Variants in KLHL6 observed in about 807,000 individuals in gnomAD.
The protein encoded by KLHL6 is kelch like family member 6, also known as kelch-like protein 6.
Under a neutral mutation model 58.6 loss-of-function variants are expected in KLHL6, and 41 were observed. The ratio of observed to expected loss-of-function variants is 0.70; its 90% CI spans 0.55 to 0.91. The LOEUF (loss-of-function observed/expected upper bound fraction) is 0.91. Among genes scored for constraint, KLHL6 ranks in the 40% least tolerant of loss-of-function variants. The pLI is 0.00. For synonymous variants in KLHL6, 338 were observed against 322.7 expected, an observed-to-expected ratio of 1.05 and a Z score of -0.51; for missense variants, 714 against 805.6, an observed-to-expected ratio of 0.89 and a Z score of 1.38.
chr3:183,514,844 T>A (rs575959066), intron 2 of KLHL6, among the ~76,000 whole-genome samples: 1 of 152,120 alleles, frequency 6.6e-6, no homozygotes, highest in East Asian at 1.9e-4. Context: ...AATTTTTTTG[T>A]ATTTTAGTAC....
Position 183,489,106 on chromosome 3 carries a change from A to G in KLHL6, c.*2821T>C, listed in dbSNP as rs955804148. 3 of 152,212 alleles carry G rather than the reference A, an allele frequency of 2.0e-5. No individual in the cohort carries two copies. The highest frequency in any genetic ancestry group is 7.2e-5 in the African/African-American group (3 of 41,446). The allele number at this position is 152,212 out of a possible 1,614,324, so 9.4% of individuals were successfully genotyped here. A position where few individuals can be genotyped will look rare whatever the true frequency, so the allele number is the denominator to read the frequency against. ...TTCCCAGCATAGGGTTGACCTGCTG[A>G]TGGGCTCGAAGTTTGCCTATGGGTC... On this transcript the variant is annotated 3_prime_UTR_variant, in exon 7 of 7. Transcript: ENST00000341319.
In KLHL6 at chr3:183,527,995, G is replaced by A. The variant is rs777217425; in HGVS notation, c.309C>T (p.Asn103=). ...ASNYFRAMFC[N]DLKEKYEKRI... ...TTTTCTCATACTTTTCCTTTAAATCGTTGCAGAACATGGCCCTGGAAGAGA... is the reference window on the plus strand; with the variant it reads ...TTTTCTCATACTTTTCCTTTAAATCATTGCAGAACATGGCCCTGGAAGAGA... Residue 103 remains asparagine (N), a synonymous_variant, in exon 2 of 7, where the codon AAC becomes AAT. Coordinates refer to ENST00000341319, the MANE Select transcript of KLHL6 (RefSeq NM_130446.4). 44 of 1,613,882 alleles carry A rather than the reference G, an allele frequency of 2.7e-5. No individual in the cohort carries two copies. Among genetic ancestry groups the A allele is most frequent in the Admixed American group, 6.7e-5 (4 of 59,984 alleles).
In KLHL6 at chr3:183,540,834, C is replaced by A. The variant is rs139031597; in HGVS notation, c.294-12824G>T. ...CTTCCTGAAGATGAAACCTGGCTTC[C>A]CCTAACAAAACCCCACTTCCCTCAC... is the stretch of plus-strand genomic sequence containing the variant. On this transcript the variant is annotated intron_variant, in intron 1 of 6. Transcript: ENST00000341319. 1.4e-3 allele frequency among the ~76,000 whole-genome samples: 211 copies of A among 152,298 alleles called. 1 individual carries two copies. Among genetic ancestry groups the A allele is most frequent in the Middle Eastern group, 0.014 (4 of 294 alleles).
chr3:183,509,669 G>A (rs1481540990), intron 2 of KLHL6, among the ~76,000 whole-genome samples: 4 of 152,114 alleles, frequency 2.6e-5, no homozygotes, highest in South Asian at 2.1e-4. Context: ...GACAGAAGGG[G>A]AAAAAGATGG....
In KLHL6 at chr3:183,525,267, A is replaced by ACACAC. The variant is rs1553811023; in HGVS notation, c.459+2577_459+2578insGTGTG. Among the ~76,000 whole-genome samples, 271 of 125,720 alleles carry ACACAC rather than the reference A, an allele frequency of 2.2e-3. 2 individuals carry two copies. The highest frequency in any genetic ancestry group is 7.0e-3 in the African/African-American group (233 of 33,210). The allele number at this position is 125,720 out of a possible 152,430, so 82.5% of individuals were successfully genotyped here. A position where few individuals can be genotyped will look rare whatever the true frequency, so the allele number is the denominator to read the frequency against. ...CAACAGAGTGAGACTCTCTAAAAAAAAAACACACACACACACACACACACA... is the reference window on the plus strand; with the variant it reads ...CAACAGAGTGAGACTCTCTAAAAAAACACACAAACACACACACACACACACACACA... On this transcript the variant is annotated intron_variant, in intron 2 of 6. Transcript: ENST00000341319.
At chr3:183,501,634 G>A (rs1717869134) in intron 3 of KLHL6, among the ~76,000 whole-genome samples, 1 of 152,118 alleles carries the variant, frequency 6.6e-6, no homozygotes, top group Admixed American at 6.5e-5. Context: ...CTGGCACCTC[G>A]TTCCTTGGTC....
chr3:183,533,646 A>G (rs751658556), intron 1 of KLHL6, among the ~76,000 whole-genome samples: 1 of 152,108 alleles, frequency 6.6e-6, no homozygotes, highest in Non-Finnish European at 1.5e-5. Flanking sequence ...GAAACATTCA[A>G]AAGTCAAAAG....
Position 183,491,939 on chromosome 3 carries a change from T to C in KLHL6, c.1854A>G (p.Ala618=), listed in dbSNP as rs777391701. The C allele has an allele frequency of 8.0e-6, 12 of 1,496,474 alleles. No individual in the cohort carries two copies. The South Asian group carries it at 1.5e-4, about 19-fold the overall frequency. 92.7% of individuals were successfully genotyped at this position (1,496,474 alleles called of 1,614,324 possible). The change falls in exon 7 of 7, where the codon GCA becomes GCG. Residue 618 remains alanine (A), a synonymous_variant. Transcript: ENST00000341319. ...CCCCATCCTGCCGTCAGACAGACACTGCTCCGGGCACGATCCTGCGGATGT... is the reference window on the plus strand; with the variant it reads ...CCCCATCCTGCCGTCAGACAGACACCGCTCCGGGCACGATCCTGCGGATGT... ...YTHIRRIVPG[A]VSV
At chr3:183,527,699 CGTGTGTGTGTGTGTGTTTGTGTGCGT>C in intron 2 of KLHL6, 120 bp downstream of exon 2, 8 of 633,644 alleles carry the variant, frequency 1.3e-5, no homozygotes, top group East Asian at 3.0e-5. Flanking sequence ...TAGGGGTGTG[CGTGTGTGTGTGTGTGTTTGTGTGCGT>C]GTGTGTGTGT....
chr3:183,515,425 A>G (rs1711533547), intron 2 of KLHL6, among the ~76,000 whole-genome samples: 1 of 152,114 alleles, frequency 6.6e-6, no homozygotes, highest in Admixed American at 6.6e-5. Flanking sequence ...TTGCATGCCT[A>G]TAGTCCCAGC....
At chr3:183,517,249 GC>G (rs1445829009) in intron 2 of KLHL6, among the ~76,000 whole-genome samples, 1 of 152,134 alleles carries the variant, frequency 6.6e-6, no homozygotes, top group Non-Finnish European at 1.5e-5. Flanking sequence ...TTCTTCTCCA[GC>G]AATAGACACT....
Position 183,491,972 on chromosome 3 carries a change from C to A in KLHL6, c.1821G>T (p.Ser607=). 6.4e-7 allele frequency: 1 copy of A among 1,563,586 alleles called. No homozygotes were observed. Residue 607 remains serine, a synonymous_variant, in exon 7 of 7, where the codon TCG becomes TCT. Coordinates refer to ENST00000341319, the MANE Select transcript of KLHL6 (RefSeq NM_130446.4). The part of the protein sequence containing the change: ...SHHGSVTIRK[S]YTHIRRIVPG... ...GCACGATCCTGCGGATGTGGGTGTACGACTTCCTGATGGTGACGCTGCCGT... is the reference window on the plus strand; with the variant it reads ...GCACGATCCTGCGGATGTGGGTGTAAGACTTCCTGATGGTGACGCTGCCGT...
At position 183,491,903 on chromosome 3, in the gene KLHL6, G is replaced by A. The variant is rs914803279; in HGVS notation, c.*24C>T. The A allele has an allele frequency of 4.8e-6, 7 of 1,456,552 alleles. No individual in the cohort carries two copies. The highest frequency in any genetic ancestry group is 4.5e-6 in the Non-Finnish European group (5 of 1,100,226). 90.2% of individuals were successfully genotyped at this position (1,456,552 alleles called of 1,614,324 possible). On this transcript the variant is annotated 3_prime_UTR_variant, in exon 7 of 7. Transcript: ENST00000341319. ...GGCGGGTACGCTGAGGGTCGGGGGG[G>A]CTCTCCAGCTCCCCATCCTGCCGTC...
At chr3:183,522,570 T>C (rs138870531) in intron 2 of KLHL6, 2 of 152,324 alleles carry the variant, frequency 1.3e-5, no homozygotes, top group African/African-American at 4.8e-5. Flanking sequence ...TGAATAGATA[T>C]AATCTGTGAG....
intron 1 of KLHL6, 93 bp downstream of exon 1, chr3:183,555,268 T>C: frequency 2.9e-6 from 3 of 1,021,360 alleles, no homozygotes; most frequent in Non-Finnish European, 4.4e-6. Context: ...ACCATAAATA[T>C]CATGGCCAAC....
At position 183,508,170 on chromosome 3, in the gene KLHL6, C is replaced by T. The variant is rs768630577; in HGVS notation, c.798G>A (p.Leu266=). ...YVLENVRLPL[L]DPWYFVETVE... ...CCGTCTCCACAAAGTACCACGGGTC[C>T]AGAAGCGGTAAGCGCACGTTCTCGA... The change falls in exon 3 of 7, where the codon CTG becomes CTA. Residue 266 remains leucine (L), a synonymous_variant. Transcript: ENST00000341319. 6.2e-7 allele frequency: 1 copy of T among 1,614,230 alleles called. No individual in the cohort carries two copies. Among genetic ancestry groups the T allele is most frequent in the Admixed American group, 1.7e-5 (1 of 60,028 alleles).
chr3:183,545,941 A>G (rs1712703188), intron 1 of KLHL6, among the ~76,000 whole-genome samples: 2 of 152,210 alleles, frequency 1.3e-5, no homozygotes, highest in Admixed American at 1.3e-4. Context: ...TTAATCAGTG[A>G]CTGGACCTGC....
chr3:183,531,585 T>G (rs2108687289), intron 1 of KLHL6, among the ~76,000 whole-genome samples: 1 of 151,340 alleles, frequency 6.6e-6, no homozygotes, highest in African/African-American at 2.4e-5. Flanking sequence ...TAGCTGGAAC[T>G]ACAGGCTCCT....
At chr3:183,500,527 C>T (rs2108667956) in intron 3 of KLHL6, among the ~76,000 whole-genome samples, 1 of 152,328 alleles carries the variant, frequency 6.6e-6, no homozygotes, top group South Asian at 2.1e-4. Context: ...GGAGAAGTAA[C>T]ACGATCTCTG....
Sources: allele counts gnomAD v4.1 joint callset (sites outside exome capture counted in the v4.1 genomes callset), GRCh38; gene constraint gnomAD v4.1.1; transcripts MANE v1.5; gene names NCBI Gene and HGNC (gene_info 2026-07-23, HGNC 2026-07-21).